MCTP1: variants seen among roughly 807,000 people sequenced by gnomAD.
MCTP1 encodes the protein multiple C2 and transmembrane domain containing 1.
MCTP1 carries 69 observed loss-of-function variants against 120.6 expected under a neutral mutation model. The observed-to-expected ratio is 0.57, with a 90% CI of 0.47 to 0.70. MCTP1 has a LOEUF of 0.70. MCTP1 is among the 30% of genes least tolerant of loss of function. The pLI is 0.00. For missense variants in MCTP1, 1,203 were observed against 1,248.8 expected, an observed-to-expected ratio of 0.96 and a Z score of 0.55; for synonymous variants, 529 against 493.1, an observed-to-expected ratio of 1.07 and a Z score of -0.96.
intron 2 of MCTP1, among the ~76,000 whole-genome samples, chr5:94,991,932 G>A (rs1208346642): frequency 6.6e-6 from 1 of 152,092 alleles, no homozygotes. Flanking sequence ...GAATGTATGG[G>A]AAATATCCTC....
chr5:94,965,592 T>TA (rs1254370283), intron 2 of MCTP1, among the ~76,000 whole-genome samples: 6 of 152,194 alleles, frequency 3.9e-5, no homozygotes, highest in Non-Finnish European at 8.8e-5. Flanking sequence ...TTGCTGATGT[T>TA]ACTCTTCTTA....
chr5:94,709,546 G>A (rs1444836356), intron 21 of MCTP1: 2 of 152,012 alleles, frequency 1.3e-5, no homozygotes, highest in Non-Finnish European at 2.9e-5. Context: ...CTGACCCTAG[G>A]TAGATTAGAG....
chr5:95,024,181 T>C (rs1838752841), intron 1 of MCTP1: 2 of 373,290 alleles, frequency 5.4e-6, no homozygotes, highest in Non-Finnish European at 1.1e-5. Flanking sequence ...CCAAGACCAA[T>C]GTCACAGAGC....
At chr5:95,217,920 T>A (rs1346233376) in intron 1 of MCTP1, among the ~76,000 whole-genome samples, 1 of 152,122 alleles carries the variant, frequency 6.6e-6, no homozygotes, top group Non-Finnish European at 1.5e-5. Flanking sequence ...CCTGGACCTC[T>A]TATTATTAGA....
At chr5:94,750,555 G>A (rs1025168821) in intron 19 of MCTP1, among the ~76,000 whole-genome samples, 1 of 152,182 alleles carries the variant, frequency 6.6e-6, no homozygotes, top group Non-Finnish European at 1.5e-5. Flanking sequence ...CTAGGAGGAA[G>A]CTTTAAGAGC....
intron 1 of MCTP1, among the ~76,000 whole-genome samples, chr5:95,206,600 T>C (rs1429818623): frequency 2.0e-5 from 3 of 152,186 alleles, no homozygotes; most frequent in Non-Finnish European, 2.9e-5. Flanking sequence ...AGTGGCATGA[T>C]CTCGGCTCAC....
At chr5:95,057,867 T>C (rs1747837892) in intron 1 of MCTP1, among the ~76,000 whole-genome samples, 1 of 152,234 alleles carries the variant, frequency 6.6e-6, no homozygotes, top group Non-Finnish European at 1.5e-5. Flanking sequence ...ATGGTGGACA[T>C]GATGAGACCT....
chr5:94,965,553 C>T (rs1007629447), intron 2 of MCTP1, among the ~76,000 whole-genome samples: 3 of 151,958 alleles, frequency 2.0e-5, no homozygotes, highest in African/African-American at 7.3e-5. Context: ...TGTGACTGGA[C>T]AAGGGGTGTA....
chr5:95,220,315 G>A (rs1196106152), intron 1 of MCTP1, among the ~76,000 whole-genome samples: 1 of 150,374 alleles, frequency 6.7e-6, no homozygotes, highest in Non-Finnish European at 1.5e-5. Flanking sequence ...TCATCAACCT[G>A]GATCCTCATT....
chr5:94,784,169 T>C (rs370139082), intron 18 of MCTP1, among the ~76,000 whole-genome samples: 16 of 152,098 alleles, frequency 1.1e-4, no homozygotes, highest in East Asian at 3.8e-4. Context: ...ATGCTTATAT[T>C]TGGATACGTT....
chr5:94,720,100 T>G (rs1760536335), intron 19 of MCTP1, among the ~76,000 whole-genome samples: 1 of 151,848 alleles, frequency 6.6e-6, no homozygotes, highest in South Asian at 2.1e-4. Flanking sequence ...CACTCCAGCC[T>G]GGGCAACAAG....
intron 2 of MCTP1, among the ~76,000 whole-genome samples, chr5:94,977,807 T>G (rs1363938275): frequency 1.3e-5 from 2 of 152,008 alleles, no homozygotes; most frequent in African/African-American, 4.8e-5. Context: ...CATAAATCAA[T>G]ACAAATGGAT....
At chr5:95,087,295 T>C (rs1272895322) in intron 1 of MCTP1, among the ~76,000 whole-genome samples, 2 of 152,292 alleles carry the variant, frequency 1.3e-5, no homozygotes, top group South Asian at 2.1e-4. Flanking sequence ...AATAAATATA[T>C]AGCAGGCCAG....
At chr5:94,926,693 T>C (rs1355701671) in intron 6 of MCTP1, among the ~76,000 whole-genome samples, 1 of 152,216 alleles carries the variant, frequency 6.6e-6, no homozygotes, top group East Asian at 1.9e-4. Context: ...TCCATCTATC[T>C]TTCTTGTTAA....
intron 1 of MCTP1, among the ~76,000 whole-genome samples, chr5:95,281,594 A>C (rs1318473409): frequency 1.3e-5 from 2 of 152,208 alleles, no homozygotes; most frequent in Non-Finnish European, 2.9e-5. Flanking sequence ...CTCAGGGTTT[A>C]CCATTCTGTC....
At chr5:95,081,559 T>C (rs1421559289) in intron 1 of MCTP1, 1 of 1,528,354 alleles carries the variant, frequency 6.5e-7, no homozygotes, top group Non-Finnish European at 8.8e-7. Context: ...CTTCACTGAA[T>C]ACCGGCAAAA....
intron 1 of MCTP1, among the ~76,000 whole-genome samples, chr5:95,123,439 T>A (rs1420126890): frequency 6.6e-6 from 1 of 152,320 alleles, no homozygotes; most frequent in South Asian, 2.1e-4. Flanking sequence ...GGATCCATAA[T>A]GTGTACTTCA....
At chr5:94,936,673 A>T (rs895322652) in intron 5 of MCTP1, among the ~76,000 whole-genome samples, 2 of 152,260 alleles carry the variant, frequency 1.3e-5, no homozygotes, top group Admixed American at 6.6e-5. Flanking sequence ...CCTAATAACC[A>T]GTGTTGGTAA....
chr5:94,864,186 G>A lies in MCTP1; in HGVS notation c.2436+4147C>T, dbSNP rs1054924406. On this transcript the variant is annotated intron_variant, in intron 17 of 22. Transcript: ENST00000515393. ...TGCCTCGTAGGCTGCTCAGGACAGAGGGCTGAAGCCAGTAGCCCTCCAGAT... is the reference window on the plus strand; with the variant it reads ...TGCCTCGTAGGCTGCTCAGGACAGAAGGCTGAAGCCAGTAGCCCTCCAGAT... Among the ~76,000 whole-genome samples the A allele has an allele frequency of 2.6e-5, 4 of 151,880 alleles. No individual in the cohort carries two copies. The East Asian group carries it at 7.8e-4, about 30-fold the overall frequency.
Sources: allele counts gnomAD v4.1 joint callset (sites outside exome capture counted in the v4.1 genomes callset), GRCh38; gene constraint gnomAD v4.1.1; transcripts MANE v1.5; gene names NCBI Gene and HGNC (gene_info 2026-07-23, HGNC 2026-07-21).